The following GNAT3 variants were observed in gnomAD, a reference collection of about 807,000 sequenced individuals.
GNAT3 encodes the protein guanine nucleotide-binding protein G(t) subunit alpha-3.
GNAT3 carries 31 observed loss-of-function variants against 37.7 expected under a neutral mutation model. The ratio of observed to expected loss-of-function variants is 0.82; its 90% CI spans 0.62 to 1.11. The LOEUF (loss-of-function observed/expected upper bound fraction) is 1.11. GNAT3 is among the 50% of genes most tolerant of loss of function. GNAT3 has a pLI of 0.00. For synonymous variants in GNAT3, 138 were observed against 139.8 expected (o/e 0.99, Z 0.09); for missense variants, 437 against 412.5 (o/e 1.06, Z -0.51).
intron 1 of GNAT3, among the ~76,000 whole-genome samples, chr7:80,502,387 G>A (rs755887491): frequency 2.6e-5 from 4 of 151,786 alleles, no homozygotes; most frequent in Non-Finnish European, 5.9e-5. Flanking sequence ...TACCTTTTAG[G>A]CTAAAAAATG....
At chr7:80,467,714 A>T in intron 5 of GNAT3, among the ~76,000 whole-genome samples, 1 of 152,086 alleles carries the variant, frequency 6.6e-6, no homozygotes, top group East Asian at 1.9e-4. Flanking sequence ...AAAAAGCTTT[A>T]TTGTGACCAT....
chr7:80,504,886 C>T (rs897866375), intron 1 of GNAT3, among the ~76,000 whole-genome samples: 6 of 152,052 alleles, frequency 3.9e-5, no homozygotes, highest in East Asian at 1.9e-4. Flanking sequence ...TGGAAATGTG[C>T]GACGAGCTGC....
At chr7:80,493,566 G>C (rs1233619319) in intron 2 of GNAT3, among the ~76,000 whole-genome samples, 1 of 151,726 alleles carries the variant, frequency 6.6e-6, no homozygotes, top group Non-Finnish European at 1.5e-5. Flanking sequence ...TTAAAAATAT[G>C]CTCAAAAATG....
chr7:80,488,749 TG>T (rs1790536117), intron 2 of GNAT3, 73 bp from the exon 3 acceptor site: 1 of 1,141,310 alleles, frequency 8.8e-7, no homozygotes, highest in East Asian at 2.6e-5. Flanking sequence ...CCAACTAAGT[TG>T]CTTGAATAAA....
intron 4 of GNAT3, among the ~76,000 whole-genome samples, chr7:80,476,965 T>C (rs1460231604): frequency 6.6e-6 from 1 of 152,112 alleles, no homozygotes; most frequent in East Asian, 1.9e-4. Context: ...GCACCTGCAG[T>C]AATCTGGGTA....
At position 80,458,725 on chromosome 7, in the gene GNAT3, G is replaced by A. The variant is rs2074674; in HGVS notation, c.1011C>T (p.Asp337=). 0.35 allele frequency: 557,211 copies of A among 1,586,622 alleles called. 104,598 individuals are homozygous for A. Among genetic ancestry groups the A allele is most frequent in the East Asian group, 0.76 (33,808 of 44,400 alleles). Residue 337 remains aspartate (D), a synonymous_variant, in exon 8 of 8, where the codon GAC becomes GAT. Transcript: ENST00000398291. ...CTTTGATTATTATATCTGTAACTGC[G>A]TCAAACACAAACTTGACATTTTGGG... ...TDTQNVKFVF[D]AVTDIIIKEN... is the part of the protein sequence containing the mutation.
chr7:80,485,601 G>T (rs1790464847), intron 3 of GNAT3, among the ~76,000 whole-genome samples: 1 of 152,020 alleles, frequency 6.6e-6, no homozygotes, highest in East Asian at 1.9e-4. Flanking sequence ...TTCCATCTCA[G>T]TTACTGCTGA....
At chr7:80,482,650 A>G (rs941395146) in intron 3 of GNAT3, among the ~76,000 whole-genome samples, 1 of 149,826 alleles carries the variant, frequency 6.7e-6, no homozygotes, top group African/African-American at 2.5e-5. Flanking sequence ...AGTAGCTGAG[A>G]CTACAGGTGC....
intron 2 of GNAT3, among the ~76,000 whole-genome samples, chr7:80,493,386 G>T (rs914723309): frequency 6.6e-6 from 1 of 152,110 alleles, no homozygotes; most frequent in Non-Finnish European, 1.5e-5. Context: ...AAGATCAGGT[G>T]TTTGGTTGCA....
chr7:80,462,174 A>C lies in GNAT3; in HGVS notation c.859T>G (p.Phe287Val). 3.2e-6 allele frequency: 5 copies of C among 1,569,014 alleles called. No individual in the cohort carries two copies. The highest frequency in any genetic ancestry group is 2.3e-5 in the South Asian group (2 of 85,794). Reference protein sequence around the residue: ...KVTKVHLSICFPEYTGPNTFE... With the variant: ...KVTKVHLSICVPEYTGPNTFE... ...AAAATCTTACCAGTGTATTCTGGAA[A>C]GCAGATACTAAGATGCACCTTGGTT... The change falls in exon 7 of 8, where the codon TTT (phenylalanine) becomes GTT (valine). Residue 287 changes from phenylalanine (F) to valine (V), a missense_variant. Transcript: ENST00000398291.
At chr7:80,459,434 T>C (rs1276989499) in intron 7 of GNAT3, among the ~76,000 whole-genome samples, 1 of 152,254 alleles carries the variant, frequency 6.6e-6, no homozygotes, top group Non-Finnish European at 1.5e-5. Flanking sequence ...GAATAGATGT[T>C]ATGGGCTAGA....
chr7:80,474,224 A>G (rs1790266128), intron 5 of GNAT3, 27 bp downstream of exon 5: 1 of 1,596,420 alleles, frequency 6.3e-7, no homozygotes, highest in Non-Finnish European at 8.6e-7. Flanking sequence ...ACTTCTGTCT[A>G]CAGTTAGAAA....
chr7:80,488,141 A>T (rs972889967), intron 3 of GNAT3, among the ~76,000 whole-genome samples: 1 of 152,130 alleles, frequency 6.6e-6, no homozygotes. Context: ...AACATTAATT[A>T]TAATTGTTAT....
intron 3 of GNAT3, among the ~76,000 whole-genome samples, chr7:80,484,673 T>C (rs1790446643): frequency 6.6e-6 from 1 of 152,090 alleles, no homozygotes; most frequent in Non-Finnish European, 1.5e-5. Flanking sequence ...CTTTCCTATT[T>C]CTTCAGGATA....
At chr7:80,503,997 T>G (rs1414861376) in intron 1 of GNAT3, among the ~76,000 whole-genome samples, 3 of 152,116 alleles carry the variant, frequency 2.0e-5, no homozygotes, top group Non-Finnish European at 1.5e-5. Flanking sequence ...GATATAAAAT[T>G]GAGGACTGTT....
intron 1 of GNAT3, among the ~76,000 whole-genome samples, chr7:80,507,535 G>A (rs1163434689): frequency 1.3e-5 from 2 of 151,922 alleles, no homozygotes; most frequent in East Asian, 1.9e-4. Flanking sequence ...ATCTTTACAA[G>A]TTACAAAATA....
In GNAT3 at chr7:80,462,619, T is replaced by C; in HGVS notation, c.603A>G (p.Val201=). ...FKDLHFRMFD[V]GGQRSERKKW... ...TCTTTCTCTCAGATCTCTGTCCACC[T>C]ACATCAAACATCCTTTAAGAAAACA... Residue 201 remains valine, a synonymous_variant, in exon 6 of 8, where the codon GTA becomes GTG. Coordinates refer to ENST00000398291, the MANE Select transcript of GNAT3 (RefSeq NM_001102386.3). The C allele has an allele frequency of 6.2e-6, 10 of 1,609,398 alleles. No homozygotes were observed. Among genetic ancestry groups the C allele is most frequent in the Non-Finnish European group, 8.5e-6 (10 of 1,177,774 alleles).
chr7:80,465,759 A>C (rs1188170808), intron 5 of GNAT3, among the ~76,000 whole-genome samples: 1 of 152,116 alleles, frequency 6.6e-6, no homozygotes, highest in Non-Finnish European at 1.5e-5. Flanking sequence ...TGGGCAAAAA[A>C]ATTAAACTCC....
At chr7:80,460,476 G>C (rs889945155) in intron 7 of GNAT3, among the ~76,000 whole-genome samples, 1 of 152,172 alleles carries the variant, frequency 6.6e-6, no homozygotes, top group Non-Finnish European at 1.5e-5. Flanking sequence ...GACTTGGCCG[G>C]GGACGGTGGC....
Sources: allele counts gnomAD v4.1 joint callset (sites outside exome capture counted in the v4.1 genomes callset), GRCh38; gene constraint gnomAD v4.1.1; transcripts MANE v1.5; gene names NCBI Gene and HGNC (gene_info 2026-07-23, HGNC 2026-07-21).